GRIP1: variants seen among roughly 807,000 people sequenced by gnomAD.
GRIP1 encodes the protein glutamate receptor-interacting protein 1.
A neutral mutation model predicts 129.9 loss-of-function variants in GRIP1; 45 were observed. That is an observed-to-expected ratio of 0.35 (90% confidence interval 0.27 to 0.44). GRIP1 has a LOEUF of 0.44. GRIP1 is among the 20% of genes least tolerant of loss of function. The pLI, the probability that GRIP1 is intolerant of heterozygous loss-of-function variation, is 1.00. For missense variants in GRIP1, 1,196 were observed against 1,396.8 expected (o/e 0.86, Z 2.29); for synonymous variants, 530 against 520.8 (o/e 1.02, Z -0.24).
At chr12:66,971,670 C>T (rs2042078217) in intron 1 of GRIP1, among the ~76,000 whole-genome samples, 1 of 152,094 alleles carries the variant, frequency 6.6e-6, no homozygotes, top group African/African-American at 2.4e-5. Context: ...TTAAGAAGCT[C>T]ATCAAAGGGA....
chr12:66,592,620 A>G (rs1194654535), intron 2 of GRIP1, among the ~76,000 whole-genome samples: 2 of 152,244 alleles, frequency 1.3e-5, no homozygotes, highest in African/African-American at 4.8e-5. Context: ...TGTCCTATAT[A>G]GAAAGAGGAG....
At chr12:66,542,649 A>G (rs890005394) in intron 2 of GRIP1, among the ~76,000 whole-genome samples, 4 of 152,232 alleles carry the variant, frequency 2.6e-5, no homozygotes, top group African/African-American at 9.6e-5. Context: ...GCAAGATAGA[A>G]CTCAACTCTT....
chr12:66,943,091 T>G (rs767438310), intron 1 of GRIP1, among the ~76,000 whole-genome samples: 1 of 152,194 alleles, frequency 6.6e-6, no homozygotes, highest in Non-Finnish European at 1.5e-5. Context: ...ATGTAAAAAT[T>G]TGGGAGATTC....
At chr12:67,067,696 A>G (rs1342571819) in intron 1 of GRIP1, among the ~76,000 whole-genome samples, 1 of 152,144 alleles carries the variant, frequency 6.6e-6, no homozygotes, top group Non-Finnish European at 1.5e-5. Flanking sequence ...CTAGAGAAAA[A>G]CTGGAAATTG....
At chr12:66,450,424 T>C (rs1206352864) in intron 11 of GRIP1, among the ~76,000 whole-genome samples, 1 of 151,234 alleles carries the variant, frequency 6.6e-6, no homozygotes, top group South Asian at 2.1e-4. Flanking sequence ...AGACTTGCTA[T>C]GTTTTTTTAA....
intron 1 of GRIP1, among the ~76,000 whole-genome samples, chr12:66,959,503 C>T (rs528575946): frequency 2.6e-4 from 39 of 152,260 alleles, no homozygotes; most frequent in Admixed American, 2.0e-4. Flanking sequence ...ATTTATGACT[C>T]ATACACATTT....
intron 1 of GRIP1, among the ~76,000 whole-genome samples, chr12:66,636,725 G>C (rs1247501713): frequency 7.4e-5 from 8 of 108,614 alleles, no homozygotes; most frequent in Admixed American, 3.3e-4. Context: ...CTGTGTGTGT[G>C]TGTGTGTGTG....
chr12:66,572,329 G>T (rs1240269954), intron 2 of GRIP1, among the ~76,000 whole-genome samples: 1 of 152,166 alleles, frequency 6.6e-6, no homozygotes, highest in Non-Finnish European at 1.5e-5. Flanking sequence ...AATTTTGAGA[G>T]ACACTGAAAA....
Position 66,435,186 on chromosome 12 carries a change from T to C in GRIP1, c.1688-2558A>G, listed in dbSNP as rs1323454048. On this transcript the variant is annotated intron_variant, in intron 13 of 24. Coordinates refer to ENST00000359742, the MANE Select transcript of GRIP1 (RefSeq NM_001366722.1). ...AGCATCACTATTTGTAGAACTCATTTCACAAACGTGTGACCATTTTTTTTT... is the reference window on the plus strand; with the variant it reads ...AGCATCACTATTTGTAGAACTCATTCCACAAACGTGTGACCATTTTTTTTT... Among the ~76,000 whole-genome samples, 39 of 147,560 alleles carry C rather than the reference T, an allele frequency of 2.6e-4. 1 individual carries two copies. In the Admixed American group the frequency reaches 2.8e-3, roughly 10 times the overall value.
intron 1 of GRIP1, among the ~76,000 whole-genome samples, chr12:66,625,994 C>G (rs888912914): frequency 6.6e-6 from 1 of 151,890 alleles, no homozygotes; most frequent in Non-Finnish European, 1.5e-5. Flanking sequence ...AGGAACCAGC[C>G]CACTTCTGGA....
chr12:66,364,496 C>G (rs1221018071), intron 23 of GRIP1, among the ~76,000 whole-genome samples: 1 of 151,852 alleles, frequency 6.6e-6, no homozygotes, highest in Non-Finnish European at 1.5e-5. Flanking sequence ...CCTGGCGGGC[C>G]CTGAGATCTT....
intron 1 of GRIP1, among the ~76,000 whole-genome samples, chr12:67,047,999 A>G (rs1320337459): frequency 6.6e-6 from 1 of 152,120 alleles, no homozygotes; most frequent in Non-Finnish European, 1.5e-5. Context: ...TGCTAATATT[A>G]TTTCCCCAAA....
At chr12:66,438,092 G>A (rs141924070) in intron 13 of GRIP1, among the ~76,000 whole-genome samples, 9 of 152,286 alleles carry the variant, frequency 5.9e-5, no homozygotes, top group African/African-American at 2.2e-4. Context: ...TGTAGTTATT[G>A]TACATTCTGG....
chr12:67,025,891 T>C (rs2042936155), intron 1 of GRIP1, among the ~76,000 whole-genome samples: 1 of 152,262 alleles, frequency 6.6e-6, no homozygotes, highest in African/African-American at 2.4e-5. Flanking sequence ...CTCAGCACTT[T>C]AAAGTGAATT....
chr12:66,366,740 C>G (rs927232053), intron 23 of GRIP1, among the ~76,000 whole-genome samples: 1 of 152,188 alleles, frequency 6.6e-6, no homozygotes, highest in Non-Finnish European at 1.5e-5. Context: ...CTTGAGTGCA[C>G]TGGCTCAATC....
intron 1 of GRIP1, among the ~76,000 whole-genome samples, chr12:66,702,276 T>C (rs2035375975): frequency 1.3e-5 from 2 of 152,198 alleles, no homozygotes; most frequent in South Asian, 4.1e-4. Context: ...AGATAATCTG[T>C]CAGAGAAGGA....
intron 1 of GRIP1, among the ~76,000 whole-genome samples, chr12:66,955,546 C>T (rs2041827783): frequency 2.2e-5 from 3 of 138,952 alleles, no homozygotes; most frequent in Admixed American, 1.6e-4. Flanking sequence ...TCACTCTTGT[C>T]GCCCAGGCTG....
intron 1 of GRIP1, among the ~76,000 whole-genome samples, chr12:66,859,602 G>A (rs540714898): frequency 2.1e-4 from 32 of 152,104 alleles, no homozygotes; most frequent in African/African-American, 7.5e-4. Flanking sequence ...ATCTTACTGG[G>A]ATGTCTAATT....
At chr12:66,610,951 C>A (rs1036042961) in intron 1 of GRIP1, among the ~76,000 whole-genome samples, 1 of 152,156 alleles carries the variant, frequency 6.6e-6, no homozygotes, top group African/African-American at 2.4e-5. Flanking sequence ...ATTTTAAGCA[C>A]AGCCTGCCTT....
Sources: allele counts gnomAD v4.1 joint callset (sites outside exome capture counted in the v4.1 genomes callset), GRCh38; gene constraint gnomAD v4.1.1; transcripts MANE v1.5; gene names NCBI Gene and HGNC (gene_info 2026-07-23, HGNC 2026-07-21).